Variants in RYR1 observed in about 807,000 individuals in gnomAD.
RYR1 encodes ryanodine receptor 1.
In RYR1, 342 loss-of-function variants were observed where a neutral mutation model predicts 583.5. The observed-to-expected ratio is 0.59, with a 90% confidence interval of 0.54 to 0.64. The LOEUF is 0.64. Among genes scored for constraint, RYR1 ranks in the 30% least tolerant of loss-of-function variants. RYR1 has a pLI of 0.00. For synonymous variants in RYR1, 2,791 were observed against 2,822.5 expected (o/e 0.99, Z 0.35); for missense variants, 6,032 against 6,917.2 (o/e 0.87, Z 4.54).
chr19:38,529,542 G>C (rs139575331), intron 76 of RYR1, among the ~76,000 whole-genome samples: 81 of 152,274 alleles, frequency 5.3e-4, no homozygotes, highest in African/African-American at 1.9e-3. Context: ...AACATACACC[G>C]TTGCATGGCT....
At chr19:38,472,397 T>A (rs56082081) in intron 27 of RYR1, among the ~76,000 whole-genome samples, 1 of 151,916 alleles carries the variant, frequency 6.6e-6, no homozygotes, top group East Asian at 1.9e-4. Context: ...CACTGCGCCC[T>A]GTCGCTATTT....
rs1199495792 is a variant in RYR1, at chr19:38,458,133, G to A, written c.2008G>A (p.Val670Met). The part of the protein sequence containing the change: ...KWYFEVMVDE[V>M]TPFLTAQATH... ...GTACTTTGAGGTGATGGTGGACGAG[G>A]TGACTCCATTTCTGACAGCTCAGGC... The change falls in exon 18 of 106, where the codon GTG (valine) becomes ATG (methionine). Residue 670 changes from valine to methionine, a missense_variant. Transcript: ENST00000359596. 3.7e-6 allele frequency: 6 copies of A among 1,614,014 alleles called. No individual in the cohort carries two copies. Among genetic ancestry groups the A allele is most frequent in the Non-Finnish European group, 5.1e-6 (6 of 1,180,036 alleles).
chr19:38,576,107 G>A, intron 97 of RYR1, 146 bp downstream of exon 97: 1 of 846,864 alleles, frequency 1.2e-6, no homozygotes, highest in East Asian at 2.5e-5. Flanking sequence ...TTCCCCATGG[G>A]GAGATGGGCA....
intron 76 of RYR1, among the ~76,000 whole-genome samples, chr19:38,529,596 A>G (rs1273692272): frequency 6.6e-6 from 1 of 152,200 alleles, no homozygotes; most frequent in Non-Finnish European, 1.5e-5. Context: ...TATCACAGAC[A>G]ATGTAGATTA....
chr19:38,442,043 G>T (rs1009672877), intron 2 of RYR1, among the ~76,000 whole-genome samples: 5 of 151,786 alleles, frequency 3.3e-5, no homozygotes, highest in African/African-American at 4.8e-5. Context: ...TGGGGGTGAG[G>T]CTTCCTATGA....
At position 38,502,954 on chromosome 19, in the gene RYR1, C is replaced by T; in HGVS notation, c.7910C>T (p.Ala2637Val). The change falls in exon 49 of 106, where the codon GCC becomes GTC. Residue 2637 changes from alanine (A) to valine (V), a missense_variant. By Grantham distance (64) the Ala-to-Val change is moderately conservative. This residue lies in a region of RYR1 where 250 missense variants were observed against 162.3 expected (regional missense o/e 1.54). Transcript: ENST00000359596. Reference sequence around the variant, plus strand: ...GACGTGCCCATCCTCAACGAGTTCGCCAAGATGCCACTCAAGGTGAGGGCA... The same window carrying T: ...GACGTGCCCATCCTCAACGAGTTCGTCAAGATGCCACTCAAGGTGAGGGCA... Reference protein sequence around the residue: ...VFDVPILNEFAKMPLKLLTNH... With the variant: ...VFDVPILNEFVKMPLKLLTNH... 6.2e-7 allele frequency: 1 copy of T among 1,610,080 alleles called. No individual in the cohort carries two copies. Among genetic ancestry groups the T allele is most frequent in the Non-Finnish European group, 8.5e-7 (1 of 1,179,994 alleles).
intron 9 of RYR1, among the ~76,000 whole-genome samples, chr19:38,447,723 T>G (rs889066062): frequency 4.6e-5 from 7 of 151,192 alleles, no homozygotes; most frequent in Admixed American, 4.6e-4. Flanking sequence ...GCACCTGTAA[T>G]CCCAGCTTCT....
At chr19:38,467,893 G>A (rs1370375926) in intron 25 of RYR1, 81 bp downstream of exon 25, 4 of 1,380,242 alleles carry the variant, frequency 2.9e-6, no homozygotes, top group African/African-American at 2.8e-5. Flanking sequence ...GCCTCTGTCT[G>A]TGCCTCACTC....
intron 84 of RYR1, among the ~76,000 whole-genome samples, chr19:38,541,775 C>T (rs891279466): frequency 6.6e-6 from 1 of 151,770 alleles, no homozygotes; most frequent in African/African-American, 2.4e-5. Context: ...AATTACTGCA[C>T]AAGAATATAA....
intron 13 of RYR1, among the ~76,000 whole-genome samples, chr19:38,454,168 T>C (rs778300754): frequency 2.6e-4 from 40 of 152,174 alleles, no homozygotes; most frequent in African/African-American, 5.5e-4. Flanking sequence ...GCCTCCCAAG[T>C]AGCTGAAACT....
chr19:38,469,963 A>G (rs1290190932), intron 27 of RYR1, among the ~76,000 whole-genome samples: 1 of 152,088 alleles, frequency 6.6e-6, no homozygotes, highest in Non-Finnish European at 1.5e-5. Flanking sequence ...CTAGCTACTC[A>G]GGAGGTTGAG....
chr19:38,562,796 C>G (rs1973210142), intron 90 of RYR1, among the ~76,000 whole-genome samples: 1 of 152,236 alleles, frequency 6.6e-6, no homozygotes, highest in Non-Finnish European at 1.5e-5. Context: ...CTGAGCCTCT[C>G]GTGGTTGCAC....
At chr19:38,476,387 C>T (rs982052757) in intron 29 of RYR1, among the ~76,000 whole-genome samples, 18 of 152,076 alleles carry the variant, frequency 1.2e-4, no homozygotes, top group African/African-American at 3.1e-4. Flanking sequence ...TTAGTAGAAA[C>T]GGGGTTTCAC....
At chr19:38,459,853 T>A (rs1479083981) in intron 19 of RYR1, among the ~76,000 whole-genome samples, 1 of 152,154 alleles carries the variant, frequency 6.6e-6, no homozygotes, top group Non-Finnish European at 1.5e-5. Flanking sequence ...CCCGATGACC[T>A]TTCAATAGAC....
chr19:38,453,761 G>T (rs1486684021), intron 13 of RYR1, among the ~76,000 whole-genome samples: 2 of 152,020 alleles, frequency 1.3e-5, no homozygotes, highest in African/African-American at 4.8e-5. Flanking sequence ...GAGGTGGGCG[G>T]GTGTTTGGCA....
rs376851030 is a variant in RYR1 at position 38,535,193 on chromosome 19, C to T, written c.11412C>T (p.Leu3804=). Residue 3804 remains leucine (L), a synonymous_variant, in exon 80 of 106, where the codon CTC becomes CTT. Transcript: ENST00000359596. ...SSTLKLGISI[L]NGGNAEVQQK... ...CCCTGAAGCTGGGCATCTCCATCCT[C>T]AATGGAGGCAATGCTGAGGTCCAGC... is the stretch of plus-strand genomic sequence containing the variant. The T allele has an allele frequency of 5.9e-5, 95 of 1,614,014 alleles. No individual in the cohort carries two copies. The highest frequency in any genetic ancestry group is 9.3e-5 in the African/African-American group (7 of 74,912).
Position 38,515,100 on chromosome 19 carries a change from G to A in RYR1, c.9547G>A (p.Val3183Met). 1 of 1,610,930 alleles carries A rather than the reference G, an allele frequency of 6.2e-7. No homozygotes were observed. The highest frequency in any genetic ancestry group is 8.5e-7 in the Non-Finnish European group (1 of 1,177,754). The change falls in exon 64 of 106, where the codon GTG (valine) becomes ATG (methionine). Residue 3183 changes from valine to methionine, a missense_variant. Physicochemically the swap from Val to Met is conservative, Grantham distance 21. Around this residue, in one of 11 missense-constraint regions of RYR1, gnomAD observed 1,493 missense variants for 1,715.5 expected, o/e 0.87. Coordinates refer to ENST00000359596, the MANE Select transcript of RYR1 (RefSeq NM_000540.3). ...CCTGGGAACCACCAAGAACACTTATGTGGAAAAGTAAGGAGAGGGAGCCAT... is the reference window on the plus strand; with the variant it reads ...CCTGGGAACCACCAAGAACACTTATATGGAAAAGTAAGGAGAGGGAGCCAT... ...YSLGTTKNTY[V>M]EKLRPALGEC...
At chr19:38,525,980 T>C (rs1568191) in intron 71 of RYR1, among the ~76,000 whole-genome samples, 42,344 of 151,528 alleles carry the variant, frequency 0.28, 6,595 homozygotes, top group African/African-American at 0.4. Context: ...GCTGAGCCCT[T>C]GGCTCACCAT....
At chr19:38,510,828 T>C (rs759254570) in intron 60 of RYR1, 47 bp downstream of exon 60, 1 of 1,612,534 alleles carries the variant, frequency 6.2e-7, no homozygotes, top group South Asian at 1.1e-5. Flanking sequence ...CTCACAGGAT[T>C]GTAATCCTTT....
Sources: allele counts gnomAD v4.1 joint callset (sites outside exome capture counted in the v4.1 genomes callset), GRCh38; gene constraint gnomAD v4.1.1; regional missense constraint gnomAD v4.1.1; transcripts MANE v1.5; gene names NCBI Gene and HGNC (gene_info 2026-07-23, HGNC 2026-07-21).